The following SV2C variants were observed in gnomAD, a reference collection of about 807,000 sequenced individuals.
SV2C encodes solute carrier family 22 member B3.
A neutral mutation model predicts 79.7 loss-of-function variants in SV2C; 49 were observed. The observed-to-expected ratio is 0.61, with a 90% CI of 0.49 to 0.78. The LOEUF (loss-of-function observed/expected upper bound fraction) is 0.78, where lower values mean the gene tolerates loss of function less well. Ranked by LOEUF, SV2C falls within the 30% of genes least tolerant of loss-of-function variation. SV2C has a pLI of 0.00. For synonymous variants in SV2C, 334 were observed against 333.2 expected, an observed-to-expected ratio of 1.00 and a Z score of -0.03; for missense variants, 833 against 912.9, an observed-to-expected ratio of 0.91 and a Z score of 1.13.
At chr5:76,038,220 C>G in the SV2C span, among the ~76,000 whole-genome samples, 1 of 152,168 alleles carries the variant, frequency 6.6e-6, no homozygotes, top group African/African-American at 2.4e-5. Context: ...ATTCTTCTTC[C>G]AGCACATATG....
rs57069912 is a variant in SV2C at position 76,189,535 on chromosome 5, G to A, written c.581-5384G>A. ...TAATTAGTTGGTTAGTAGAAAAGTT[G>A]GTAAATGCAGGAAAACATGCAAAAA... On this transcript the variant is annotated intron_variant, in intron 2 of 12. Transcript: ENST00000502798. Among the ~76,000 whole-genome samples the A allele has an allele frequency of 5.5e-3, 842 of 152,170 alleles. 8 individuals are homozygous for A. Among genetic ancestry groups the A allele is most frequent in the African/African-American group, 0.019 (771 of 41,498 alleles).
chr5:76,224,344 G>A (rs1005680911), intron 4 of SV2C, among the ~76,000 whole-genome samples: 15 of 152,190 alleles, frequency 9.9e-5, no homozygotes, highest in African/African-American at 3.6e-4. Flanking sequence ...TTCTGCACTA[G>A]ACAAAATATG....
chr5:76,212,221 G>T (rs1046783303), intron 4 of SV2C, among the ~76,000 whole-genome samples: 2 of 152,136 alleles, frequency 1.3e-5, no homozygotes, highest in African/African-American at 4.8e-5. Context: ...CTCAGGAATT[G>T]CTTTATAGGA....
At chr5:75,882,861 G>A in the SV2C span, among the ~76,000 whole-genome samples, 32 of 151,622 alleles carry the variant, frequency 2.1e-4, no homozygotes, top group African/African-American at 7.7e-4. Flanking sequence ...AAACTAAAGA[G>A]CTTCTGCACA....
chr5:75,853,082 G>T, the SV2C span, among the ~76,000 whole-genome samples: 1 of 152,004 alleles, frequency 6.6e-6, no homozygotes, highest in African/African-American at 2.4e-5. Context: ...ACATACTGTC[G>T]CAAGTTCTTA....
intron 12 of SV2C, 84 bp from the exon 13 acceptor site, chr5:76,325,280 T>C: frequency 1.4e-6 from 2 of 1,401,484 alleles, no homozygotes; most frequent in Non-Finnish European, 2.0e-6. Context: ...GGGAAGATCA[T>C]TGAAAATCTA....
intron 2 of SV2C, among the ~76,000 whole-genome samples, chr5:76,157,923 A>G (rs1160609165): frequency 1.3e-5 from 2 of 151,890 alleles, no homozygotes; most frequent in African/African-American, 4.8e-5. Context: ...ATAGAGCTAT[A>G]TAAGAGTAAC....
chr5:76,193,478 G>A (rs1028809413), intron 2 of SV2C, among the ~76,000 whole-genome samples: 1 of 152,170 alleles, frequency 6.6e-6, no homozygotes, highest in African/African-American at 2.4e-5. Flanking sequence ...ACATCACCTG[G>A]TTTCTGGTTT....
the SV2C span, among the ~76,000 whole-genome samples, chr5:76,040,309 T>TA: frequency 6.6e-6 from 1 of 152,318 alleles, no homozygotes; most frequent in Middle Eastern, 3.4e-3. Context: ...GATAATGGGT[T>TA]AAAAAGTCAT....
At chr5:76,342,969 C>T (rs1384642973) in intron 12 of SV2C, among the ~76,000 whole-genome samples, 11 of 151,478 alleles carry the variant, frequency 7.3e-5, no homozygotes, top group African/African-American at 2.7e-4. Context: ...AGCAATCCTC[C>T]TGCCTCAGCC....
the SV2C span, among the ~76,000 whole-genome samples, chr5:75,995,421 T>C: frequency 2.0e-5 from 3 of 152,144 alleles, no homozygotes; most frequent in Non-Finnish European, 4.4e-5. Context: ...TATATTATAT[T>C]GCTTCCTAGA....
At chr5:76,133,327 G>A (rs977952884) in intron 2 of SV2C, among the ~76,000 whole-genome samples, 5 of 152,120 alleles carry the variant, frequency 3.3e-5, no homozygotes, top group African/African-American at 1.2e-4. Context: ...GTTTCCAAGG[G>A]ACTTCTTTAA....
At chr5:76,291,731 A>T in intron 7 of SV2C, 37 bp from the exon 8 acceptor site, 1 of 1,490,722 alleles carries the variant, frequency 6.7e-7, no homozygotes, top group Non-Finnish European at 9.3e-7. Flanking sequence ...TTGACTAAGT[A>T]ACTGCATGAG....
chr5:75,991,779 A>G, the SV2C span, among the ~76,000 whole-genome samples: 4 of 151,726 alleles, frequency 2.6e-5, no homozygotes, highest in Non-Finnish European at 5.9e-5. Flanking sequence ...TTACTTTAGT[A>G]TGATCCAGTA....
intron 12 of SV2C, among the ~76,000 whole-genome samples, chr5:76,324,079 A>G (rs1475827450): frequency 6.6e-6 from 1 of 152,236 alleles, no homozygotes; most frequent in Non-Finnish European, 1.5e-5. Context: ...AATAGGGAGT[A>G]ACAAATCTAA....
chr5:76,054,741 TC>T, the SV2C span, among the ~76,000 whole-genome samples: 1 of 152,160 alleles, frequency 6.6e-6, no homozygotes, highest in African/African-American at 2.4e-5. Context: ...TCTCTAATGA[TC>T]AATGATGTTG....
At chr5:76,312,992 G>A (rs1748505632) in intron 12 of SV2C, among the ~76,000 whole-genome samples, 1 of 152,154 alleles carries the variant, frequency 6.6e-6, no homozygotes, top group Admixed American at 6.5e-5. Context: ...CCATTCTTCA[G>A]TTCCGAAGGT....
chr5:76,245,506 C>T (rs989006660), intron 4 of SV2C, among the ~76,000 whole-genome samples: 1 of 152,174 alleles, frequency 6.6e-6, no homozygotes, highest in Non-Finnish European at 1.5e-5. Context: ...CTACAAGAGA[C>T]AATCAGATCA....
chr5:76,232,792 A>T (rs1745467853), intron 4 of SV2C, among the ~76,000 whole-genome samples: 3 of 142,810 alleles, frequency 2.1e-5, no homozygotes, highest in Admixed American at 2.0e-4. Flanking sequence ...TGTTCCATTG[A>T]TCTATATCTC....
Sources: allele counts gnomAD v4.1 joint callset (sites outside exome capture counted in the v4.1 genomes callset), GRCh38; gene constraint gnomAD v4.1.1; transcripts MANE v1.5; gene names NCBI Gene and HGNC (gene_info 2026-07-23, HGNC 2026-07-21).